STK31: variants seen among roughly 807,000 people sequenced by gnomAD.
STK31 encodes the protein serine/threonine-protein kinase 31.
STK31 carries 89 observed loss-of-function variants against 129.7 expected under a neutral mutation model. That is an observed-to-expected ratio of 0.69 (90% CI 0.58 to 0.82). STK31 has a LOEUF of 0.82. Among genes scored for constraint, STK31 ranks in the 40% least tolerant of loss-of-function variants. STK31 has a pLI of 0.00. For missense variants in STK31, 1,187 were observed against 1,176.4 expected, an observed-to-expected ratio of 1.01 and a Z score of -0.13; for synonymous variants, 448 against 395.3, an observed-to-expected ratio of 1.13 and a Z score of -1.58.
At chr7:23,799,013 T>C (rs1792196129) in intron 22 of STK31, among the ~76,000 whole-genome samples, 1 of 152,114 alleles carries the variant, frequency 6.6e-6, no homozygotes, top group Non-Finnish European at 1.5e-5. Flanking sequence ...GAGAGTAAGA[T>C]ACTTAGGAAT....
intron 8 of STK31, among the ~76,000 whole-genome samples, chr7:23,744,951 G>T (rs151029701): frequency 6.6e-6 from 1 of 152,340 alleles, no homozygotes. Flanking sequence ...GGTGCTAGTA[G>T]CAGCAGTGGT....
chr7:23,748,202 C>T (rs970627367), intron 8 of STK31, among the ~76,000 whole-genome samples: 1 of 152,036 alleles, frequency 6.6e-6, no homozygotes, highest in Admixed American at 6.5e-5. Context: ...TTCTTTGACT[C>T]ATGTGTTATT....
intron 21 of STK31, among the ~76,000 whole-genome samples, chr7:23,788,810 A>T (rs1183804439): frequency 1.3e-5 from 2 of 152,202 alleles, no homozygotes; most frequent in Non-Finnish European, 2.9e-5. Context: ...TAAACATTAC[A>T]GCTTTATTGA....
At chr7:23,807,319 A>G (rs1404947929) in intron 22 of STK31, among the ~76,000 whole-genome samples, 3 of 152,030 alleles carry the variant, frequency 2.0e-5, no homozygotes, top group African/African-American at 7.2e-5. Flanking sequence ...TTCACTGGGA[A>G]TAGAATTCTG....
At chr7:23,721,015 A>G (rs1786658123) in intron 4 of STK31, among the ~76,000 whole-genome samples, 1 of 152,214 alleles carries the variant, frequency 6.6e-6, no homozygotes, top group African/African-American at 2.4e-5. Flanking sequence ...TTACCACTAC[A>G]AATCTGTAAG....
At chr7:23,817,647 T>G (rs1793552833) in intron 23 of STK31, among the ~76,000 whole-genome samples, 1 of 152,216 alleles carries the variant, frequency 6.6e-6, no homozygotes, top group Non-Finnish European at 1.5e-5. Flanking sequence ...TACACCCTTC[T>G]CATCCTTCAG....
intron 4 of STK31, chr7:23,721,629 T>G: frequency 1.1e-6 from 1 of 877,460 alleles, no homozygotes; most frequent in Non-Finnish European, 2.0e-6. Context: ...GTGCGTCGAA[T>G]GTAAATACAA....
At chr7:23,816,103 T>TTTGCCACACTTCTTGGGTAGCAGTA (rs1793455606) in intron 23 of STK31, among the ~76,000 whole-genome samples, 1 of 152,142 alleles carries the variant, frequency 6.6e-6, no homozygotes, top group Non-Finnish European at 1.5e-5. Context: ...GAAATGATAT[T>TTTGCCACACTTCTTGGGTAGCAGTA]AAGGAGCTTT....
intron 19 of STK31, 101 bp from the exon 20 acceptor site, chr7:23,786,737 C>T (rs1229101267): frequency 1.9e-6 from 3 of 1,539,612 alleles, no homozygotes; most frequent in Non-Finnish European, 1.8e-6. Context: ...CAGTTCATTC[C>T]CCTTAACATA....
chr7:23,735,946 C>A, intron 7 of STK31, 50 bp downstream of exon 7: 1 of 1,428,970 alleles, frequency 7.0e-7, no homozygotes, highest in Non-Finnish European at 9.5e-7. Flanking sequence ...AGGTCCCTGT[C>A]ATAGTAGAAT....
intron 22 of STK31, among the ~76,000 whole-genome samples, chr7:23,798,988 C>G (rs1562612971): frequency 6.6e-6 from 1 of 152,164 alleles, no homozygotes; most frequent in Admixed American, 6.5e-5. Context: ...AACTCCCATT[C>G]ACAATTGCTA....
chr7:23,751,366 G>A (rs2128092054), intron 8 of STK31, among the ~76,000 whole-genome samples: 1 of 152,172 alleles, frequency 6.6e-6, no homozygotes, highest in Non-Finnish European at 1.5e-5. Context: ...AATACTCAGT[G>A]GTTCCTGCAA....
intron 3 of STK31, among the ~76,000 whole-genome samples, chr7:23,714,271 C>A (rs1786162875): frequency 6.6e-6 from 1 of 152,224 alleles, no homozygotes; most frequent in Non-Finnish European, 1.5e-5. Context: ...CTAAAGGTTG[C>A]TCACACGTTC....
intron 3 of STK31, among the ~76,000 whole-genome samples, chr7:23,715,264 G>T (rs1447291029): frequency 6.6e-5 from 10 of 152,044 alleles, no homozygotes; most frequent in Admixed American, 2.6e-4. Flanking sequence ...AAACACTTCA[G>T]ATTGGATGAG....
chr7:23,802,608 G>C (rs544386320), intron 22 of STK31, among the ~76,000 whole-genome samples: 2 of 152,240 alleles, frequency 1.3e-5, no homozygotes, highest in African/African-American at 4.8e-5. Flanking sequence ...CTGCCTCCCG[G>C]GTTCAAATGA....
At chr7:23,813,091 T>TTA (rs1474262200) in intron 22 of STK31, among the ~76,000 whole-genome samples, 35 of 148,532 alleles carry the variant, frequency 2.4e-4, no homozygotes, top group African/African-American at 4.4e-4. Flanking sequence ...TTTTTTTTTT[T>TTA]TTTTTTTGTC....
chr7:23,742,775 A>G (rs1298282989), intron 8 of STK31, among the ~76,000 whole-genome samples: 5 of 151,138 alleles, frequency 3.3e-5, no homozygotes, highest in East Asian at 1.9e-4. Flanking sequence ...AAATGTGTCT[A>G]CTTAACTATT....
In STK31 at chr7:23,721,827, A is replaced by G. The variant is rs929322890; in HGVS notation, c.249+4248A>G. 14 of 543,296 alleles carry G rather than the reference A, an allele frequency of 2.6e-5. No individual in the cohort carries two copies. The Admixed American group carries it at 3.7e-4, about 14-fold the overall frequency. 33.7% of individuals were successfully genotyped at this position (543,296 alleles called of 1,614,324 possible). ...AGGCATGATCCTCTACATTCATTTG[A>G]TCTTCAATCAGTGATACCCTTTCTT... On this transcript the variant is annotated intron_variant, in intron 4 of 23. Transcript: ENST00000355870.
intron 15 of STK31, among the ~76,000 whole-genome samples, chr7:23,774,658 T>C (rs1040305042): frequency 6.6e-6 from 1 of 152,208 alleles, no homozygotes; most frequent in African/African-American, 2.4e-5. Flanking sequence ...GTTTAAGTCG[T>C]GGTAGATTCT....
Sources: gnomAD v4.1 joint callset for allele counts (sites outside exome capture counted in the v4.1 genomes callset) on GRCh38, gnomAD v4.1.1 for gene constraint, MANE v1.5 for transcripts, NCBI Gene and HGNC (gene_info 2026-07-23, HGNC 2026-07-21) for gene names.